Variants in FCER1G observed in about 807,000 individuals in gnomAD.
FCER1G encodes the protein Fc epsilon receptor Ig.
A neutral mutation model predicts 17.3 loss-of-function variants in FCER1G; 7 were observed. The ratio of observed to expected loss-of-function variants is 0.40; its 90% CI spans 0.23 to 0.76. The LOEUF is 0.76. Among genes scored for constraint, FCER1G ranks in the 30% least tolerant of loss-of-function variants. The pLI is 0.35. For synonymous variants in FCER1G, 35 were observed against 38.7 expected (o/e 0.90, Z 0.35); for missense variants, 87 against 97.7 (o/e 0.89, Z 0.46).
rs1477088041 is a variant in FCER1G, at chr1:161,218,722, C to T, written c.197C>T (p.Thr66Met). 1.3e-5 allele frequency: 21 copies of T among 1,613,784 alleles called. No individual in the cohort carries two copies. Among genetic ancestry groups the T allele is most frequent in the East Asian group, 8.9e-5 (4 of 44,878 alleles). The change falls in exon 4 of 5, where the codon ACG becomes ATG. Residue 66 changes from threonine to methionine, a missense_variant and splice_region_variant. Thr to Met is a moderately conservative substitution (Grantham distance 81, BLOSUM62 -1). Coordinates refer to ENST00000289902, the MANE Select transcript of FCER1G (RefSeq NM_004106.2). The stretch of plus-strand genomic sequence containing the variant: ...CTGCAGAAATCAGATGGTGTTTACA[C>T]GGTAAGTGTGCCTACCTCCCCCACC... The part of the protein sequence containing the change: ...TSYEKSDGVY[T>M]GLSTRNQETY...
chr1:161,218,395 A>C (rs1010386098), intron 3 of FCER1G, 119 bp downstream of exon 3: 7 of 827,582 alleles, frequency 8.5e-6, no homozygotes, highest in East Asian at 2.5e-5. Flanking sequence ...ATCTGCATAC[A>C]CCTCAGAGGC....
chr1:161,217,670 A>G (rs1429125880), intron 1 of FCER1G, among the ~76,000 whole-genome samples: 1 of 152,130 alleles, frequency 6.6e-6, no homozygotes, highest in African/African-American at 2.4e-5. Context: ...TGAGGTGGAT[A>G]AAGTGCTCAA....
Position 161,219,071 on chromosome 1 carries a change from A to C in FCER1G, c.*128A>C. ...ACCCCTATAATGATCCTGTGTCCTA[A>C]ATTAATATACACCAGTGGTTCCTCC... is the stretch of plus-strand genomic sequence containing the variant. On this transcript the variant is annotated 3_prime_UTR_variant, in exon 5 of 5. Coordinates refer to ENST00000289902, the MANE Select transcript of FCER1G (RefSeq NM_004106.2). The C allele has an allele frequency of 1.4e-6, 1 of 691,182 alleles. No individual in the cohort carries two copies. Among genetic ancestry groups the C allele is most frequent in the Middle Eastern group, 2.4e-4 (1 of 4,090 alleles). 42.8% of individuals were successfully genotyped at this position (691,182 alleles called of 1,614,324 possible). A position where few individuals can be genotyped will look rare whatever the true frequency, so the allele number is the denominator to read the frequency against.
In FCER1G at chr1:161,218,272, A is replaced by AT. The variant is rs1558090068; in HGVS notation, c.174dup (p.Glu59Ter). 1 of 1,613,558 alleles carries AT rather than the reference A, an allele frequency of 6.2e-7. No individual in the cohort carries two copies. Among genetic ancestry groups the AT allele is most frequent in the Admixed American group, 1.7e-5 (1 of 60,016 alleles). On this transcript the variant is annotated frameshift_variant, in exon 3 of 5. Transcript: ENST00000289902. LOFTEE classifies it high-confidence loss of function. ...GTGCGAAAGGCAGCTATAACCAGCT[A>AT]TGAGGTATGGACCCTCCTACACCTG...
At chr1:161,216,423 TATATAG>T (rs1463641388) in intron 1 of FCER1G, among the ~76,000 whole-genome samples, 7 of 142,284 alleles carry the variant, frequency 4.9e-5, no homozygotes, top group South Asian at 2.3e-4. Context: ...TATATATATA[TATATAG>T]AGAGAGAGAG....
chr1:161,215,388 G>T lies in FCER1G; in HGVS notation c.49+18G>T. The T allele has an allele frequency of 6.2e-7, 1 of 1,611,104 alleles. No individual in the cohort carries two copies. Among genetic ancestry groups the T allele is most frequent in the Non-Finnish European group, 8.5e-7 (1 of 1,177,534 alleles). ...ACAAGCAGGTAAGAGGGTTTGGTGA[G>T]GGATAGCGTGAGCTGGCTCCAGGGT... is the stretch of plus-strand genomic sequence containing the variant. On this transcript the variant is annotated intron_variant, in intron 1 of 4. Coordinates refer to ENST00000289902, the MANE Select transcript of FCER1G (RefSeq NM_004106.2).
intron 1 of FCER1G, among the ~76,000 whole-genome samples, chr1:161,215,793 A>G (rs1489894674): frequency 6.6e-6 from 1 of 152,034 alleles, no homozygotes; most frequent in Non-Finnish European, 1.5e-5. Flanking sequence ...GGGTTTCGTC[A>G]TGTTGACCAG....
At chr1:161,218,609 T>G in intron 3 of FCER1G, 94 bp from the exon 4 acceptor site, 1 of 1,368,232 alleles carries the variant, frequency 7.3e-7, no homozygotes, top group East Asian at 2.3e-5. Flanking sequence ...GGTGGCTGGC[T>G]GCCCACCCCC....
chr1:161,216,377 T>TACACACACACAC lies in FCER1G; in HGVS notation c.49+1031_49+1042dup, dbSNP rs57711151. Reference sequence around the variant, plus strand: ...CTATCTATATACACACACACACACATACACACACACACACACACACACACA... The same window carrying TACACACACACAC: ...CTATCTATATACACACACACACACATACACACACACACACACACACACACACACACACACACA... On this transcript the variant is annotated intron_variant, in intron 1 of 4. Coordinates refer to ENST00000289902, the MANE Select transcript of FCER1G (RefSeq NM_004106.2). 7.4e-3 allele frequency among the ~76,000 whole-genome samples: 892 copies of TACACACACACAC among 120,460 alleles called. 1 individual carries two copies. Among genetic ancestry groups the TACACACACACAC allele is most frequent in the African/African-American group, 0.011 (328 of 31,158 alleles). 79.0% of individuals were successfully genotyped at this position (120,460 alleles called of 152,430 possible).
At chr1:161,216,306 C>G (rs566700883) in intron 1 of FCER1G, among the ~76,000 whole-genome samples, 1 of 144,378 alleles carries the variant, frequency 6.9e-6, no homozygotes, top group African/African-American at 2.6e-5. Flanking sequence ...AGTGAGACTC[C>G]GTCTCAAAAA....
intron 1 of FCER1G, among the ~76,000 whole-genome samples, chr1:161,215,789 C>T (rs562436749): frequency 4.6e-5 from 7 of 152,156 alleles, no homozygotes; most frequent in South Asian, 4.2e-4. Flanking sequence ...AACCGGGTTT[C>T]GTCATGTTGA....
At chr1:161,217,754 G>A (rs1666078085) in intron 1 of FCER1G, among the ~76,000 whole-genome samples, 3 of 152,122 alleles carry the variant, frequency 2.0e-5, no homozygotes, top group South Asian at 2.1e-4. Context: ...TTATTAGTCC[G>A]TGTGAGTCCC....
Position 161,219,186 on chromosome 1 carries a change from T to C in FCER1G, c.*243T>C. 1.9e-6 allele frequency: 1 copy of C among 524,560 alleles called. No homozygotes were observed. The highest frequency in any genetic ancestry group is 3.4e-6 in the Non-Finnish European group (1 of 295,580). The allele number at this position is 524,560 out of a possible 1,614,324, so 32.5% of individuals were successfully genotyped here. ...GTCCCACCCTTCTTCTCTTCCCCAT[T>C]CCCAACTCCAGCTAAAATATGGGAA... On this transcript the variant is annotated 3_prime_UTR_variant, in exon 5 of 5. Transcript: ENST00000289902.
intron 1 of FCER1G, among the ~76,000 whole-genome samples, chr1:161,217,588 A>G (rs1343500215): frequency 1.3e-5 from 2 of 151,912 alleles, no homozygotes; most frequent in South Asian, 2.1e-4. Context: ...GAAATTTGCC[A>G]CTACCTCTCC....
intron 2 of FCER1G, 55 bp downstream of exon 2, chr1:161,218,132 C>A: frequency 6.5e-7 from 1 of 1,534,316 alleles, no homozygotes; most frequent in Non-Finnish European, 9.0e-7. Flanking sequence ...AGGAGGGCAG[C>A]AGCAAGGATT....
chr1:161,215,810 C>T (rs1445336266), intron 1 of FCER1G, among the ~76,000 whole-genome samples: 6 of 152,020 alleles, frequency 3.9e-5, no homozygotes, highest in African/African-American at 1.5e-4. Context: ...CCAGGGTAGT[C>T]TTGAACTCCT....
intron 2 of FCER1G, 59 bp downstream of exon 2, chr1:161,218,136 A>G: frequency 6.5e-7 from 1 of 1,533,212 alleles, no homozygotes; most frequent in South Asian, 1.1e-5. Flanking sequence ...GGGCAGCAGC[A>G]AGGATTCGAA....
At chr1:161,218,384 G>C in intron 3 of FCER1G, 108 bp downstream of exon 3, 1 of 927,336 alleles carries the variant, frequency 1.1e-6, no homozygotes, top group East Asian at 2.4e-5. Flanking sequence ...CTCAGGTGCT[G>C]ATCTGCATAC....
In FCER1G at chr1:161,219,035, C is replaced by A; in HGVS notation, c.*92C>A. ...ACATATGCCTGCATGCCATTAACAC[C>A]AGCTGGCCCTACCCCTATAATGATC... On this transcript the variant is annotated 3_prime_UTR_variant, in exon 5 of 5. Transcript: ENST00000289902. 1 of 923,976 alleles carries A rather than the reference C, an allele frequency of 1.1e-6. No individual in the cohort carries two copies. Among genetic ancestry groups the A allele is most frequent in the Non-Finnish European group, 1.8e-6 (1 of 558,610 alleles). The allele number at this position is 923,976 out of a possible 1,614,324, so 57.2% of individuals were successfully genotyped here. A position where few individuals can be genotyped will look rare whatever the true frequency, so the allele number is the denominator to read the frequency against.
Sources: gnomAD v4.1 joint callset for allele counts (sites outside exome capture counted in the v4.1 genomes callset) on GRCh38, gnomAD v4.1.1 for gene constraint, MANE v1.5 for transcripts, NCBI Gene and HGNC (gene_info 2026-07-23, HGNC 2026-07-21) for gene names.